The following CHN1 variants were observed in gnomAD, a reference collection of about 807,000 sequenced individuals.
The protein encoded by CHN1 is N-chimaerin.
Under a neutral mutation model 59.5 loss-of-function variants are expected in CHN1, and 37 were observed. That is an observed-to-expected ratio of 0.62 (90% CI 0.48 to 0.82). The LOEUF is 0.82. Among genes scored for constraint, CHN1 ranks in the 40% least tolerant of loss-of-function variants. The probability of loss-of-function intolerance (pLI) is 0.00; values close to 1 mark genes in which losing one functional copy is unlikely to be tolerated. For synonymous variants in CHN1, 206 were observed against 200.4 expected, an observed-to-expected ratio of 1.03 and a Z score of -0.24; for missense variants, 469 against 571.0, an observed-to-expected ratio of 0.82 and a Z score of 1.82.
chr2:174,887,586 G>T (rs2105343534), intron 5 of CHN1, among the ~76,000 whole-genome samples: 1 of 152,160 alleles, frequency 6.6e-6, no homozygotes, highest in East Asian at 1.9e-4. Context: ...ATGTAAAAAA[G>T]AATTTGCATC....
At chr2:174,856,738 G>A (rs567195792) in intron 6 of CHN1, among the ~76,000 whole-genome samples, 1 of 152,216 alleles carries the variant, frequency 6.6e-6, no homozygotes, top group East Asian at 1.9e-4. Flanking sequence ...GGGACTAAAT[G>A]AGCTCTATGG....
intron 1 of CHN1, among the ~76,000 whole-genome samples, chr2:175,001,730 G>A (rs1348663664): frequency 6.6e-6 from 1 of 152,130 alleles, no homozygotes. Flanking sequence ...AGTTGGTCTG[G>A]GCTATAAACC....
chr2:174,908,769 C>T (rs1688610956), intron 5 of CHN1, among the ~76,000 whole-genome samples: 1 of 152,120 alleles, frequency 6.6e-6, no homozygotes, highest in African/African-American at 2.4e-5. Flanking sequence ...AGAATTATTT[C>T]AATTGTCCAA....
At chr2:174,846,184 T>C (rs1402693937) in intron 7 of CHN1, 2 of 1,254,956 alleles carry the variant, frequency 1.6e-6, no homozygotes, top group Non-Finnish European at 2.1e-6. Flanking sequence ...TTCAAGGCCT[T>C]ATATCATGCT....
intron 12 of CHN1, among the ~76,000 whole-genome samples, chr2:174,801,405 ACT>A (rs1684716435): frequency 6.6e-6 from 1 of 152,106 alleles, no homozygotes; most frequent in South Asian, 2.1e-4. Flanking sequence ...TACAGCCACA[ACT>A]CTATCTTTCC....
intron 7 of CHN1, among the ~76,000 whole-genome samples, chr2:174,835,914 T>C (rs1188330726): frequency 2.0e-5 from 3 of 152,216 alleles, no homozygotes; most frequent in Admixed American, 6.5e-5. Context: ...AGCCATTGTT[T>C]AGCCTATTGC....
At chr2:174,956,374 G>A (rs1690204069) in intron 1 of CHN1, among the ~76,000 whole-genome samples, 2 of 152,302 alleles carry the variant, frequency 1.3e-5, no homozygotes, top group South Asian at 4.2e-4. Flanking sequence ...GGAAAAGGAT[G>A]TAAGTCAGAA....
chr2:174,941,383 AAAAT>A (rs1180123572), intron 3 of CHN1, among the ~76,000 whole-genome samples: 1 of 152,134 alleles, frequency 6.6e-6, no homozygotes, highest in Non-Finnish European at 1.5e-5. Context: ...AGATAGAAAA[AAAAT>A]TTTTTTAATC....
At chr2:174,985,293 TTAATG>T (rs1691303418) in intron 1 of CHN1, among the ~76,000 whole-genome samples, 1 of 152,204 alleles carries the variant, frequency 6.6e-6, no homozygotes. Flanking sequence ...AATGACAATG[TTAATG>T]TAAACAGTAA....
chr2:174,810,557 G>A (rs1685037935), intron 10 of CHN1, among the ~76,000 whole-genome samples: 5 of 152,204 alleles, frequency 3.3e-5, no homozygotes, highest in Admixed American at 3.3e-4. Context: ...AGAGCTTCCA[G>A]AGTAAAGAGA....
At chr2:174,807,491 TGTG>T (rs1190966020) in intron 11 of CHN1, among the ~76,000 whole-genome samples, 1 of 149,092 alleles carries the variant, frequency 6.7e-6, no homozygotes, top group African/African-American at 2.5e-5. Flanking sequence ...TGTGTGTGTG[TGTG>T]TGTGTGTGTG....
chr2:174,813,676 T>TA (rs201402639), intron 8 of CHN1, among the ~76,000 whole-genome samples: 6 of 152,184 alleles, frequency 3.9e-5, no homozygotes, highest in Non-Finnish European at 7.4e-5. Flanking sequence ...GTCATCTTTT[T>TA]AAAAAAAATA....
chr2:174,915,282 C>G (rs1688814306), intron 4 of CHN1, 111 bp from the exon 5 acceptor site: 1 of 822,892 alleles, frequency 1.2e-6, no homozygotes, highest in African/African-American at 1.7e-5. Flanking sequence ...AGACAAAGTA[C>G]TGCCACATAA....
chr2:174,816,207 C>T (rs937077681), intron 8 of CHN1, among the ~76,000 whole-genome samples: 1 of 152,176 alleles, frequency 6.6e-6, no homozygotes, highest in Non-Finnish European at 1.5e-5. Flanking sequence ...TGAGAGGTTG[C>T]TGCTTCTACT....
intron 1 of CHN1, among the ~76,000 whole-genome samples, chr2:175,003,822 A>C (rs554556118): frequency 6.6e-6 from 1 of 152,330 alleles, no homozygotes; most frequent in South Asian, 2.1e-4. Flanking sequence ...TTTGGGAAAC[A>C]ACCTCTCTGG....
intron 5 of CHN1, among the ~76,000 whole-genome samples, chr2:174,905,779 C>T (rs993540967): frequency 6.6e-6 from 1 of 151,814 alleles, no homozygotes; most frequent in Non-Finnish European, 1.5e-5. Flanking sequence ...AGGATGGTCT[C>T]GATCTCCTGA....
At chr2:174,938,081 T>C (rs533617525) in intron 3 of CHN1, among the ~76,000 whole-genome samples, 34 of 152,058 alleles carry the variant, frequency 2.2e-4, no homozygotes, top group Non-Finnish European at 4.3e-4. Flanking sequence ...TAGGCTCAAG[T>C]GATCCTCCCG....
At chr2:174,984,079 A>C (rs1691254734) in intron 1 of CHN1, among the ~76,000 whole-genome samples, 1 of 151,950 alleles carries the variant, frequency 6.6e-6, no homozygotes, top group African/African-American at 2.4e-5. Context: ...CATTTTCAGA[A>C]ATTTCTTAGA....
chr2:175,003,821 C>A (rs936956801), intron 1 of CHN1, among the ~76,000 whole-genome samples: 1 of 152,174 alleles, frequency 6.6e-6, no homozygotes, highest in African/African-American at 2.4e-5. Flanking sequence ...CTTTGGGAAA[C>A]AACCTCTCTG....
Sources: allele counts gnomAD v4.1 joint callset (sites outside exome capture counted in the v4.1 genomes callset), GRCh38; gene constraint gnomAD v4.1.1; transcripts MANE v1.5; gene names NCBI Gene and HGNC (gene_info 2026-07-23, HGNC 2026-07-21).